TUFT1: variants seen among roughly 807,000 people sequenced by gnomAD.
The protein encoded by TUFT1 is tuftelin 1.
A neutral mutation model predicts 57.8 loss-of-function variants in TUFT1; 43 were observed. The observed-to-expected ratio is 0.74, with a 90% CI of 0.58 to 0.96. TUFT1 has a LOEUF of 0.96. Among genes scored for constraint, TUFT1 ranks in the 40% least tolerant of loss-of-function variants. The pLI is 0.00. For synonymous variants in TUFT1, 166 were observed against 176.7 expected (o/e 0.94, Z 0.48); for missense variants, 459 against 489.0 (o/e 0.94, Z 0.58).
At chr1:151,550,404 G>A (rs902623855) in intron 1 of TUFT1, among the ~76,000 whole-genome samples, 7 of 151,946 alleles carry the variant, frequency 4.6e-5, no homozygotes, top group African/African-American at 1.5e-4. Context: ...GAGTGCAATG[G>A]CGTGATCTTG....
At chr1:151,576,907 G>C (rs1387962981) in intron 9 of TUFT1, among the ~76,000 whole-genome samples, 1 of 152,168 alleles carries the variant, frequency 6.6e-6, no homozygotes, top group African/African-American at 2.4e-5. Context: ...TTACAGGCAT[G>C]AGCCACCGCG....
chr1:151,557,296 A>G (rs1431189314), intron 1 of TUFT1: 1 of 411,668 alleles, frequency 2.4e-6, no homozygotes, highest in South Asian at 5.1e-5. Flanking sequence ...AATATTTAAT[A>G]GTATAATATT....
intron 6 of TUFT1, among the ~76,000 whole-genome samples, chr1:151,566,571 G>A (rs1351366161): frequency 1.3e-5 from 2 of 152,078 alleles, no homozygotes; most frequent in Non-Finnish European, 2.9e-5. Flanking sequence ...TCCAATAGGT[G>A]GCCTGGGCAT....
intron 1 of TUFT1, chr1:151,557,745 G>A: frequency 1.3e-6 from 1 of 779,220 alleles, no homozygotes. Flanking sequence ...TCCAGAGACT[G>A]GAAGTCCTCA....
intron 8 of TUFT1, among the ~76,000 whole-genome samples, 173 bp downstream of exon 8, chr1:151,574,571 C>A (rs1229193855): frequency 1.3e-5 from 2 of 152,200 alleles, no homozygotes; most frequent in African/African-American, 4.8e-5. Flanking sequence ...AGGAATTAGC[C>A]TCCCCCTAAC....
intron 1 of TUFT1, among the ~76,000 whole-genome samples, chr1:151,555,989 C>T (rs1665686169): frequency 6.6e-6 from 1 of 152,106 alleles, no homozygotes; most frequent in Non-Finnish European, 1.5e-5. Context: ...TTGAGAGCCA[C>T]ACTCATTTCC....
intron 2 of TUFT1, 108 bp from the exon 3 acceptor site, chr1:151,562,477 T>G: frequency 1.0e-6 from 1 of 988,894 alleles, no homozygotes; most frequent in Non-Finnish European, 1.5e-6. Flanking sequence ...TCAAGTCTTT[T>G]GAGAAACAGG....
Position 151,569,669 on chromosome 1 carries a change from A to G in TUFT1, c.493A>G (p.Ile165Val), listed in dbSNP as rs779881090. 9 of 1,613,662 alleles carry G rather than the reference A, an allele frequency of 5.6e-6. No homozygotes were observed. The Admixed American group carries it at 1.3e-4, about 24-fold the overall frequency. The change falls in exon 7 of 13, where the codon ATA becomes GTA. Residue 165 changes from isoleucine (I) to valine (V), a missense_variant. Coordinates refer to ENST00000368849, the MANE Select transcript of TUFT1 (RefSeq NM_020127.3). The stretch of plus-strand genomic sequence containing the variant: ...GTTCTGGCTGTAGGTGGACACCTGT[A>G]TAAATGAGGATGTTGAGAGCTTGAG... ...YSSPPEVDTCINEDVESLRKT... is the reference protein window; with the variant it reads ...YSSPPEVDTCVNEDVESLRKT...
At chr1:151,554,584 G>C (rs2102526958) in intron 1 of TUFT1, among the ~76,000 whole-genome samples, 1 of 151,012 alleles carries the variant, frequency 6.6e-6, no homozygotes, top group South Asian at 2.1e-4. Flanking sequence ...ATTTTTAGTA[G>C]AGATGGGGTT....
chr1:151,554,109 T>C (rs1665595534), intron 1 of TUFT1, among the ~76,000 whole-genome samples: 1 of 152,222 alleles, frequency 6.6e-6, no homozygotes, highest in South Asian at 2.1e-4. Context: ...AGAGAACTCT[T>C]ATATACCCTT....
At chr1:151,564,653 A>T in intron 5 of TUFT1, 39 bp downstream of exon 5, 1 of 1,534,222 alleles carries the variant, frequency 6.5e-7, no homozygotes, top group Non-Finnish European at 9.0e-7. Context: ...CCCACCGAGG[A>T]GGTGGGGTTG....
chr1:151,555,652 C>T (rs1424459283), intron 1 of TUFT1, among the ~76,000 whole-genome samples: 5 of 150,880 alleles, frequency 3.3e-5, no homozygotes, highest in Non-Finnish European at 7.4e-5. Flanking sequence ...TGGTGGGTGC[C>T]TATAGTCCCA....
intron 1 of TUFT1, among the ~76,000 whole-genome samples, chr1:151,553,662 G>C (rs1393765541): frequency 6.6e-6 from 1 of 152,102 alleles, no homozygotes; most frequent in African/African-American, 2.4e-5. Context: ...CATTTCTGTT[G>C]GGTAGAGTAA....
At position 151,582,563 on chromosome 1, in the gene TUFT1, AT is replaced by A; in HGVS notation, c.*857del. 4.6e-6 allele frequency: 1 copy of A among 217,578 alleles called. No individual in the cohort carries two copies. The highest frequency in any genetic ancestry group is 7.3e-5 in the South Asian group (1 of 13,612). 13.5% of individuals were successfully genotyped at this position (217,578 alleles called of 1,614,324 possible). A position where few individuals can be genotyped will look rare whatever the true frequency, so the allele number is the denominator to read the frequency against. Reference sequence around the variant, plus strand: ...CTAAGTTATTGGTGGTTTTGCTTACATCTCATGATTGATATAATACCAAAGT... The same window carrying A: ...CTAAGTTATTGGTGGTTTTGCTTACACTCATGATTGATATAATACCAAAGT... On this transcript the variant is annotated 3_prime_UTR_variant, in exon 13 of 13. Coordinates refer to ENST00000368849, the MANE Select transcript of TUFT1 (RefSeq NM_020127.3).
rs1666363423 is a variant in TUFT1, at chr1:151,574,199, T to C, written c.595-71T>C. On this transcript the variant is annotated intron_variant, in intron 7 of 12. Transcript: ENST00000368849. ...CAGAGCCGCCCAGGTTCCTGGGTTCTTTTCTAAGGTTTTTTTCCATGTTTG... is the reference window on the plus strand; with the variant it reads ...CAGAGCCGCCCAGGTTCCTGGGTTCCTTTCTAAGGTTTTTTTCCATGTTTG... 6 of 1,550,384 alleles carry C rather than the reference T, an allele frequency of 3.9e-6. No individual in the cohort carries two copies. The East Asian group carries it at 1.4e-4, about 35-fold the overall frequency.
chr1:151,554,093 T>C (rs907615802), intron 1 of TUFT1, among the ~76,000 whole-genome samples: 5 of 152,204 alleles, frequency 3.3e-5, no homozygotes, highest in Non-Finnish European at 2.9e-5. Context: ...AGTTGCAAAG[T>C]AGTACAGAGA....
At chr1:151,542,733 G>A (rs1665207610) in intron 1 of TUFT1, among the ~76,000 whole-genome samples, 1 of 152,104 alleles carries the variant, frequency 6.6e-6, no homozygotes, top group Non-Finnish European at 1.5e-5. Context: ...TTTTACTCCA[G>A]AGCTGGGAAT....
At chr1:151,544,791 A>G (rs889724530) in intron 1 of TUFT1, among the ~76,000 whole-genome samples, 1 of 151,934 alleles carries the variant, frequency 6.6e-6, no homozygotes, top group Non-Finnish European at 1.5e-5. Context: ...ACCACTTTCT[A>G]CTCTTTGAGC....
chr1:151,557,989 TAAAAA>T, intron 1 of TUFT1: 1 of 374,466 alleles, frequency 2.7e-6, no homozygotes, highest in Admixed American at 3.6e-5. Context: ...CAAAAAAACT[TAAAAA>T]AAAAAAAAGA....
Sources: gnomAD v4.1 joint callset for allele counts (sites outside exome capture counted in the v4.1 genomes callset) on GRCh38, gnomAD v4.1.1 for gene constraint, MANE v1.5 for transcripts, NCBI Gene and HGNC (gene_info 2026-07-23, HGNC 2026-07-21) for gene names.